DNAJA1: variants seen among roughly 807,000 people sequenced by gnomAD.
The protein encoded by DNAJA1 is DnaJ heat shock protein family (Hsp40) member A1.
Under a neutral mutation model 47.6 loss-of-function variants are expected in DNAJA1, and 26 were observed. That is an observed-to-expected ratio of 0.55 (90% CI 0.40 to 0.76). The LOEUF (loss-of-function observed/expected upper bound fraction) is 0.76. Ranked by LOEUF, DNAJA1 falls within the 30% of genes least tolerant of loss-of-function variation. The probability of loss-of-function intolerance (pLI) is 0.00; values close to 1 mark genes in which losing one functional copy is unlikely to be tolerated. For synonymous variants in DNAJA1, 165 were observed against 158.4 expected (o/e 1.04, Z -0.31); for missense variants, 315 against 485.0 (o/e 0.65, Z 3.29).
Position 33,026,853 on chromosome 9 carries a change from CAAAGA to C in DNAJA1, c.178_182del (p.Lys60GlyfsTer4). The C allele has an allele frequency of 6.2e-7, 1 of 1,613,962 alleles. No individual in the cohort carries two copies. The highest frequency in any genetic ancestry group is 8.5e-7 in the Non-Finnish European group (1 of 1,179,986). On this transcript the variant is annotated frameshift_variant, in exon 3 of 9. Transcript: ENST00000330899. LOFTEE classifies it high-confidence loss of function. ...CAAGCTTACGAAGTTCTCTCTGATGCAAAGAAAAGGGAATTATATGACAAAGGAGG... is the reference window on the plus strand; with the variant it reads ...CAAGCTTACGAAGTTCTCTCTGATGCAAAGGGAATTATATGACAAAGGAGG...
intron 7 of DNAJA1, 97 bp from the exon 8 acceptor site, chr9:33,036,918 C>G: frequency 8.8e-7 from 1 of 1,137,970 alleles, no homozygotes; most frequent in East Asian, 2.4e-5. Flanking sequence ...AAGTTTTACT[C>G]CTGCCAATGA....
At chr9:33,034,411 A>G in intron 6 of DNAJA1, 81 bp downstream of exon 6, 4 of 1,055,218 alleles carry the variant, frequency 3.8e-6, no homozygotes, top group Non-Finnish European at 2.8e-6. Flanking sequence ...TGTTTTTTTT[A>G]AAGTGTTTTC....
intron 3 of DNAJA1, among the ~76,000 whole-genome samples, chr9:33,027,511 A>C (rs892760871): frequency 2.6e-5 from 4 of 152,054 alleles, no homozygotes; most frequent in African/African-American, 4.8e-5. Flanking sequence ...AATAGCCAAC[A>C]GAGTGGTAGC....
intron 5 of DNAJA1, among the ~76,000 whole-genome samples, chr9:33,033,501 C>T (rs1268047843): frequency 6.6e-6 from 1 of 151,582 alleles, no homozygotes; most frequent in African/African-American, 2.4e-5. Context: ...AGTTCAAGAC[C>T]AGCCTGAGCG....
intron 6 of DNAJA1, among the ~76,000 whole-genome samples, chr9:33,035,421 C>T (rs1262253405): frequency 2.0e-5 from 3 of 152,074 alleles, no homozygotes; most frequent in Non-Finnish European, 4.4e-5. Flanking sequence ...TTGTCAAGCT[C>T]AGGCTTTTGA....
chr9:33,033,153 G>A (rs890503790), intron 5 of DNAJA1, among the ~76,000 whole-genome samples: 1 of 148,468 alleles, frequency 6.7e-6, no homozygotes, highest in Non-Finnish European at 1.5e-5. Flanking sequence ...TGAGGGGCAC[G>A]AAGTCTCAGT....
At chr9:33,026,686 C>T in intron 2 of DNAJA1, 70 bp downstream of exon 2, 6 of 1,565,384 alleles carry the variant, frequency 3.8e-6, no homozygotes, top group Non-Finnish European at 5.2e-6. Context: ...CTATTATGGC[C>T]TGAAATCGAG....
At chr9:33,035,203 A>G (rs897303753) in intron 6 of DNAJA1, among the ~76,000 whole-genome samples, 3 of 152,104 alleles carry the variant, frequency 2.0e-5, no homozygotes, top group Non-Finnish European at 4.4e-5. Flanking sequence ...CCTAGCCAAC[A>G]TGGTGAAATG....
intron 6 of DNAJA1, among the ~76,000 whole-genome samples, chr9:33,034,924 G>C (rs1390041333): frequency 6.6e-6 from 1 of 151,866 alleles, no homozygotes; most frequent in African/African-American, 2.4e-5. Flanking sequence ...GATCACTTGA[G>C]GCCAGGAGTC....
At chr9:33,031,257 C>T (rs569293749) in intron 5 of DNAJA1, among the ~76,000 whole-genome samples, 19 of 152,202 alleles carry the variant, frequency 1.2e-4, no homozygotes, top group South Asian at 2.1e-4. Flanking sequence ...GCACCATGCC[C>T]GGCTAATGTT....
chr9:33,035,767 C>T (rs1226175612), intron 6 of DNAJA1, among the ~76,000 whole-genome samples: 2 of 151,980 alleles, frequency 1.3e-5, no homozygotes, highest in Non-Finnish European at 2.9e-5. Context: ...CCGCGCCCAG[C>T]CTAAAGATGT....
At chr9:33,036,985 T>C in intron 7 of DNAJA1, 30 bp from the exon 8 acceptor site, 1 of 1,585,044 alleles carries the variant, frequency 6.3e-7, no homozygotes, top group Non-Finnish European at 8.6e-7. Flanking sequence ...TGACCATACT[T>C]AAGGAAGAAC....
chr9:33,026,548 T>C lies in DNAJA1; in HGVS notation c.64T>C (p.Leu22=), dbSNP rs1426109649. ...CAAACCCAATGCTACTCAGGAAGAA[T>C]TGAAAAAGGCTTATAGGAAACTGGC... ...GVKPNATQEE[L]KKAYRKLALK... The change falls in exon 2 of 9, where the codon TTG becomes CTG. Residue 22 remains leucine (L), a synonymous_variant. Coordinates refer to ENST00000330899, the MANE Select transcript of DNAJA1 (RefSeq NM_001539.4). 2 of 1,611,146 alleles carry C rather than the reference T, an allele frequency of 1.2e-6. No homozygotes were observed. The highest frequency in any genetic ancestry group is 1.7e-6 in the Non-Finnish European group (2 of 1,179,354).
Position 33,034,347 on chromosome 9 carries a change from A to G in DNAJA1, c.758+17A>G, listed in dbSNP as rs150412264. On this transcript the variant is annotated intron_variant, in intron 6 of 8. Coordinates refer to ENST00000330899, the MANE Select transcript of DNAJA1 (RefSeq NM_001539.4). ...TTTTACTCGGTAAAGACTTTTATCA[A>G]CCACTCAAATTGATATCACATATTT... is the stretch of plus-strand genomic sequence containing the variant. 570 of 1,584,184 alleles carry G rather than the reference A, an allele frequency of 3.6e-4. 3 individuals carry two copies. In the African/African-American group the frequency reaches 6.4e-3, roughly 18 times the overall value.
At chr9:33,037,719 C>G (rs1232707647) in intron 8 of DNAJA1, among the ~76,000 whole-genome samples, 1 of 152,098 alleles carries the variant, frequency 6.6e-6, no homozygotes, top group South Asian at 2.1e-4. Flanking sequence ...ATAACTACTT[C>G]TGTCATGTTG....
intron 5 of DNAJA1, among the ~76,000 whole-genome samples, chr9:33,031,472 C>T (rs1346289013): frequency 6.6e-6 from 1 of 152,028 alleles, no homozygotes; most frequent in Admixed American, 6.6e-5. Flanking sequence ...TGCTCTGTTG[C>T]CCAGGCTTGA....
intron 1 of DNAJA1, 98 bp from the exon 2 acceptor site, chr9:33,026,377 A>G: frequency 7.5e-7 from 1 of 1,340,204 alleles, no homozygotes; most frequent in Non-Finnish European, 1.0e-6. Flanking sequence ...TGGTGTTCTT[A>G]TAATCGGATT....
Position 33,037,775 on chromosome 9 carries a change from A to T in DNAJA1, c.975+660A>T, listed in dbSNP as rs1839058570. The stretch of plus-strand genomic sequence containing the variant: ...TGAGGATGGGGTTTTTTGCATCATT[A>T]ATTGGATATTTAAAGATAGGTTGTG... On this transcript the variant is annotated intron_variant, in intron 8 of 8. Transcript: ENST00000330899. Among the ~76,000 whole-genome samples, 11 of 152,244 alleles carry T rather than the reference A, an allele frequency of 7.2e-5. No homozygotes were observed. The South Asian group carries it at 2.1e-3, about 29-fold the overall frequency.
chr9:33,026,281 C>G (rs960982097), intron 1 of DNAJA1, among the ~76,000 whole-genome samples, 194 bp from the exon 2 acceptor site: 1 of 152,150 alleles, frequency 6.6e-6, no homozygotes, highest in African/African-American at 2.4e-5. Context: ...GATTATTTCC[C>G]GATAATGATT....
Sources: allele counts gnomAD v4.1 joint callset (sites outside exome capture counted in the v4.1 genomes callset), GRCh38; gene constraint gnomAD v4.1.1; transcripts MANE v1.5; gene names NCBI Gene and HGNC (gene_info 2026-07-23, HGNC 2026-07-21).